SAP30BP: variants seen among roughly 807,000 people sequenced by gnomAD.
SAP30BP encodes the protein SAP30 binding protein, also known as SAP30-binding protein.
SAP30BP carries 31 observed loss-of-function variants against 46.3 expected under a neutral mutation model. That is an observed-to-expected ratio of 0.67 (90% CI 0.50 to 0.90). The LOEUF (loss-of-function observed/expected upper bound fraction) is 0.90. Ranked by LOEUF, SAP30BP falls within the 40% of genes least tolerant of loss-of-function variation. The pLI, the probability that SAP30BP is intolerant of heterozygous loss-of-function variation, is 0.00. For synonymous variants in SAP30BP, 169 were observed against 144.2 expected, an observed-to-expected ratio of 1.17 and a Z score of -1.23; for missense variants, 312 against 391.0, an observed-to-expected ratio of 0.80 and a Z score of 1.70.
chr17:75,702,495 CT>C lies in SAP30BP; in HGVS notation c.415del (p.Tyr139MetfsTer5). The C allele has an allele frequency of 6.4e-7, 1 of 1,568,552 alleles. No homozygotes were observed. The highest frequency in any genetic ancestry group is 1.3e-5 in the African/African-American group (1 of 74,166). On this transcript the variant is annotated frameshift_variant, in exon 6 of 11. Coordinates refer to ENST00000584667, the MANE Select transcript of SAP30BP (RefSeq NM_013260.8). LOFTEE classifies it high-confidence loss of function. ...SNHLQDKIQKLYERKIKEGMD... is the reference protein window; with the variant it reads ...SNHLQDKIQKXYERKIKEGMD... Reference sequence around the variant, plus strand: ...CTCTTCACAGGACAAGATCCAGAAGCTTTATGAACGAAAGATAAAGGAGGGA... The same window carrying C: ...CTCTTCACAGGACAAGATCCAGAAGCTTATGAACGAAAGATAAAGGAGGGA...
At chr17:75,671,615 G>GT (rs2059908653) in intron 2 of SAP30BP, among the ~76,000 whole-genome samples, 1 of 151,772 alleles carries the variant, frequency 6.6e-6, no homozygotes, top group Non-Finnish European at 1.5e-5. Context: ...ATGCTTTTTT[G>GT]TTTTTTGTTT....
Position 75,707,947 on chromosome 17 carries a change from C to T in SAP30BP, c.*1426C>T, listed in dbSNP as rs187220320. 2.6e-5 allele frequency: 4 copies of T among 152,320 alleles called. No homozygotes were observed. Among genetic ancestry groups the T allele is most frequent in the African/African-American group, 9.6e-5 (4 of 41,556 alleles). The allele number at this position is 152,320 out of a possible 1,614,324, so 9.4% of individuals were successfully genotyped here. On this transcript the variant is annotated 3_prime_UTR_variant, in exon 11 of 11. Transcript: ENST00000584667. ...CAGTTGAGTGGTCTCAAGCCCTTAACCTCTGTAAGCCTGTTTCTTCTCTGA... is the reference window on the plus strand; with the variant it reads ...CAGTTGAGTGGTCTCAAGCCCTTAATCTCTGTAAGCCTGTTTCTTCTCTGA...
chr17:75,687,328 A>T (rs2060171490), intron 3 of SAP30BP, among the ~76,000 whole-genome samples: 1 of 152,192 alleles, frequency 6.6e-6, no homozygotes, highest in South Asian at 2.1e-4. Flanking sequence ...CGGAAAGAGG[A>T]TGCAGGGCCA....
intron 4 of SAP30BP, among the ~76,000 whole-genome samples, chr17:75,698,534 C>T (rs1051793279): frequency 1.3e-5 from 2 of 151,236 alleles, no homozygotes; most frequent in Non-Finnish European, 2.9e-5. Flanking sequence ...GGTTTACAGA[C>T]ATATGCAGTG....
intron 3 of SAP30BP, among the ~76,000 whole-genome samples, chr17:75,683,339 G>A (rs1428034316): frequency 6.6e-6 from 1 of 151,634 alleles, no homozygotes; most frequent in African/African-American, 2.4e-5. Context: ...GAACCATGGT[G>A]CTTGGTAAAA....
intron 4 of SAP30BP, among the ~76,000 whole-genome samples, chr17:75,696,223 C>T (rs1367006638): frequency 1.3e-5 from 2 of 152,116 alleles, no homozygotes; most frequent in African/African-American, 2.4e-5. Context: ...TGGCTTGAGG[C>T]TCTGTCTGCT....
At chr17:75,684,827 A>G (rs754241952) in intron 3 of SAP30BP, 6 of 152,210 alleles carry the variant, frequency 3.9e-5, no homozygotes, top group African/African-American at 7.2e-5. Flanking sequence ...TCACTCTTCA[A>G]TTGTCGCAAG....
chr17:75,703,519 T>G (rs1263425589), intron 7 of SAP30BP, 148 bp downstream of exon 7: 3 of 707,792 alleles, frequency 4.2e-6, no homozygotes, highest in Non-Finnish European at 7.3e-6. Context: ...TTTGAGTCCC[T>G]ATTGTTCTGA....
At position 75,703,783 on chromosome 17, in the gene SAP30BP, G is replaced by A. The variant is rs200218248; in HGVS notation, c.550-25G>A. 91 of 1,608,554 alleles carry A rather than the reference G, an allele frequency of 5.7e-5. No homozygotes were observed. The East Asian group carries it at 1.9e-3, about 34-fold the overall frequency. On this transcript the variant is annotated intron_variant, in intron 7 of 10. Coordinates refer to ENST00000584667, the MANE Select transcript of SAP30BP (RefSeq NM_013260.8). ...TGGGTTTCTGAGTCATTTGTCATCT[G>A]AGTCATTCGCCTTTTCCTTTGCAGG...
At position 75,708,039 on chromosome 17, in the gene SAP30BP, T is replaced by C. The variant is rs531294409; in HGVS notation, c.*1518T>C. 36 of 152,200 alleles carry C rather than the reference T, an allele frequency of 2.4e-4. No individual in the cohort carries two copies. The highest frequency in any genetic ancestry group is 8.7e-4 in the African/African-American group (36 of 41,576). The allele number at this position is 152,200 out of a possible 1,614,324, so 9.4% of individuals were successfully genotyped here. A position where few individuals can be genotyped will look rare whatever the true frequency, so the allele number is the denominator to read the frequency against. On this transcript the variant is annotated 3_prime_UTR_variant, in exon 11 of 11. Coordinates refer to ENST00000584667, the MANE Select transcript of SAP30BP (RefSeq NM_013260.8). ...AGAGGTGACTTATGCAAAAGCTTTA[T>C]AAACTGTAAAGTTCCTGCCAGTGTT... is the stretch of plus-strand genomic sequence containing the variant.
chr17:75,681,873 G>T (rs998247679), intron 3 of SAP30BP, among the ~76,000 whole-genome samples: 4 of 152,094 alleles, frequency 2.6e-5, no homozygotes, highest in Non-Finnish European at 2.9e-5. Flanking sequence ...ATTTAGGAGG[G>T]TATGTGATGT....
At chr17:75,688,717 G>T (rs573643251) in intron 3 of SAP30BP, among the ~76,000 whole-genome samples, 1 of 152,318 alleles carries the variant, frequency 6.6e-6, no homozygotes, top group Non-Finnish European at 1.5e-5. Context: ...ATGGCAGCTT[G>T]TCCAGTTTCG....
chr17:75,703,882 A>G lies in SAP30BP; in HGVS notation c.601+23A>G, dbSNP rs746316554. 3.8e-6 allele frequency: 6 copies of G among 1,576,194 alleles called. No individual in the cohort carries two copies. In the Admixed American group the frequency reaches 6.7e-5, roughly 18 times the overall value. On this transcript the variant is annotated intron_variant, in intron 8 of 10. Coordinates refer to ENST00000584667, the MANE Select transcript of SAP30BP (RefSeq NM_013260.8). ...TAGGTAGCCTTTCGTCCCTCCTCCC[A>G]TATACCTTGTCCGCCCACCCGACTG...
chr17:75,682,322 T>G lies in SAP30BP; in HGVS notation c.264+10459T>G, dbSNP rs777876603. 3.2e-4 allele frequency among the ~76,000 whole-genome samples: 48 copies of G among 152,034 alleles called. 1 individual carries two copies. The highest frequency in any genetic ancestry group is 7.8e-4 in the East Asian group (4 of 5,130). On this transcript the variant is annotated intron_variant, in intron 3 of 10. Transcript: ENST00000584667. ...GCCTCAGCCTCTCGAGTAGCTGGGA[T>G]TACAGGTGTGCACCACCACACCCGG...
chr17:75,682,792 A>ACG (rs2060099679), intron 3 of SAP30BP, among the ~76,000 whole-genome samples: 1 of 150,626 alleles, frequency 6.6e-6, no homozygotes, highest in South Asian at 2.1e-4. Context: ...TGAAACCCCC[A>ACG]TCTCTACTAA....
At chr17:75,675,234 T>C (rs1355728433) in intron 3 of SAP30BP, among the ~76,000 whole-genome samples, 1 of 151,992 alleles carries the variant, frequency 6.6e-6, no homozygotes, top group African/African-American at 2.4e-5. Flanking sequence ...CACTGCAACC[T>C]CTGCCTCCCG....
rs1013272317 is a variant in SAP30BP at position 75,707,753 on chromosome 17, T to G, written c.*1232T>G. 1.3e-5 allele frequency: 2 copies of G among 152,246 alleles called. No homozygotes were observed. Among genetic ancestry groups the G allele is most frequent in the Non-Finnish European group, 2.9e-5 (2 of 68,044 alleles). 9.4% of individuals were successfully genotyped at this position (152,246 alleles called of 1,614,324 possible). On this transcript the variant is annotated 3_prime_UTR_variant, in exon 11 of 11. Coordinates refer to ENST00000584667, the MANE Select transcript of SAP30BP (RefSeq NM_013260.8). Reference sequence around the variant, plus strand: ...GCTTTAAAGCTCTGGGGAGAAGAGCTGCTCCCCACTCATGCCCCAGAGGGA... The same window carrying G: ...GCTTTAAAGCTCTGGGGAGAAGAGCGGCTCCCCACTCATGCCCCAGAGGGA...
chr17:75,673,648 C>A (rs2059939945), intron 3 of SAP30BP, among the ~76,000 whole-genome samples: 2 of 152,236 alleles, frequency 1.3e-5, no homozygotes, highest in South Asian at 4.1e-4. Flanking sequence ...ATACTGTAAT[C>A]CAGGCAACAA....
chr17:75,672,574 G>A (rs1216987540), intron 3 of SAP30BP, among the ~76,000 whole-genome samples: 2 of 152,024 alleles, frequency 1.3e-5, no homozygotes, highest in Non-Finnish European at 2.9e-5. Flanking sequence ...CATTTTTTAT[G>A]AGGAAAAACT....
Sources: gnomAD v4.1 joint callset for allele counts (sites outside exome capture counted in the v4.1 genomes callset) on GRCh38, gnomAD v4.1.1 for gene constraint, MANE v1.5 for transcripts, NCBI Gene and HGNC (gene_info 2026-07-23, HGNC 2026-07-21) for gene names.